Variants in CWH43 observed in about 807,000 individuals in gnomAD.
CWH43 encodes the protein cell wall biogenesis 43 C-terminal homolog.
A neutral mutation model predicts 85.7 loss-of-function variants in CWH43; 91 were observed. The ratio of observed to expected loss-of-function variants is 1.06; its 90% CI spans 0.90 to 1.26. The LOEUF is 1.26. Among genes scored for constraint, CWH43 ranks in the 50% most tolerant of loss-of-function variants. The pLI is 0.00. For synonymous variants in CWH43, 323 were observed against 293.6 expected, an observed-to-expected ratio of 1.10 and a Z score of -1.02; for missense variants, 869 against 839.2, an observed-to-expected ratio of 1.04 and a Z score of -0.44.
Position 49,007,312 on chromosome 4 carries a change from A to G in CWH43, c.1172A>G (p.Lys391Arg). ...AAAGTGCTTTTCAGAAAGAGTGAAA[A>G]ATACATGAAACTTTGTAAGTATAGT... ...SSKVLFRKSEKYMKLFLWLLV... is the reference protein window; with the variant it reads ...SSKVLFRKSERYMKLFLWLLV... Residue 391 changes from lysine to arginine, a missense_variant, in exon 8 of 16, where the codon AAA (lysine) becomes AGA (arginine). Lys to Arg is a conservative substitution (Grantham distance 26). This residue lies in a region of CWH43 where 577 missense variants were observed against 513.1 expected (regional missense o/e 1.12). Coordinates refer to ENST00000226432, the MANE Select transcript of CWH43 (RefSeq NM_025087.3). The G allele has an allele frequency of 1.3e-6, 2 of 1,597,434 alleles. No homozygotes were observed. Among genetic ancestry groups the G allele is most frequent in the South Asian group, 2.3e-5 (2 of 85,770 alleles).
At chr4:48,986,545 G>T (rs1176435305) in intron 1 of CWH43, 73 bp downstream of exon 1, 7 of 1,543,760 alleles carry the variant, frequency 4.5e-6, no homozygotes, top group Non-Finnish European at 6.1e-6. Context: ...GTGGAGCCAG[G>T]CCAGGTTGGC....
chr4:48,987,880 A>T (rs1782542654), intron 1 of CWH43, among the ~76,000 whole-genome samples: 1 of 151,988 alleles, frequency 6.6e-6, no homozygotes, highest in Admixed American at 6.6e-5. Context: ...TGGAGGAGGG[A>T]GTCCTGCTGC....
At chr4:49,042,519 A>T (rs933623293) in intron 13 of CWH43, among the ~76,000 whole-genome samples, 2 of 152,234 alleles carry the variant, frequency 1.3e-5, no homozygotes, top group Non-Finnish European at 2.9e-5. Context: ...AGGCAGGTGC[A>T]TATACAGATC....
chr4:48,993,372 C>T (rs559264643), intron 4 of CWH43, among the ~76,000 whole-genome samples: 22 of 152,278 alleles, frequency 1.4e-4, no homozygotes, highest in African/African-American at 4.8e-4. Flanking sequence ...CTGTCACCAC[C>T]GCCTTCTCCC....
At chr4:49,046,559 G>A (rs1784629715) in intron 14 of CWH43, among the ~76,000 whole-genome samples, 1 of 152,086 alleles carries the variant, frequency 6.6e-6, no homozygotes, top group South Asian at 2.1e-4. Context: ...CAGGGTGTGT[G>A]GGGGTGGCTG....
At chr4:49,010,115 T>G (rs4273436) in intron 8 of CWH43, among the ~76,000 whole-genome samples, 88,930 of 151,950 alleles carry the variant, frequency 0.59, 29,286 homozygotes, top group Admixed American at 0.75. Flanking sequence ...CTGGACTTTT[T>G]TTGGTTGGTA....
chr4:49,011,960 C>T (rs1381056251), intron 8 of CWH43, among the ~76,000 whole-genome samples: 3 of 152,058 alleles, frequency 2.0e-5, no homozygotes, highest in Non-Finnish European at 2.9e-5. Context: ...CTTGGGGTTG[C>T]TCTTCTTGAG....
chr4:49,031,624 T>C (rs1577690554), intron 11 of CWH43, among the ~76,000 whole-genome samples: 1 of 152,024 alleles, frequency 6.6e-6, no homozygotes. Context: ...TTAAACAGGA[T>C]AGTGATCTGG....
intron 5 of CWH43, among the ~76,000 whole-genome samples, chr4:48,998,024 G>A (rs1219816760): frequency 6.6e-6 from 1 of 152,126 alleles, no homozygotes; most frequent in Non-Finnish European, 1.5e-5. Context: ...ACAGCTATCA[G>A]TTATTTATCA....
At chr4:49,048,280 A>ATATATATATACACACTCTGTGTGTG (rs1422187612) in intron 14 of CWH43, among the ~76,000 whole-genome samples, 1 of 151,432 alleles carries the variant, frequency 6.6e-6, no homozygotes, top group Non-Finnish European at 1.5e-5. Context: ...GGCAGAGTTT[A>ATATATATATACACACTCTGTGTGTG]TATATATATA....
chr4:49,017,157 C>A, intron 8 of CWH43, 92 bp from the exon 9 acceptor site: 2 of 1,039,026 alleles, frequency 1.9e-6, no homozygotes, highest in Non-Finnish European at 2.9e-6. Context: ...GGTGCCATGG[C>A]ACTGGAGCTG....
At chr4:49,053,566 G>T (rs1043011579) in intron 15 of CWH43, among the ~76,000 whole-genome samples, 1 of 152,028 alleles carries the variant, frequency 6.6e-6, no homozygotes, top group Non-Finnish European at 1.5e-5. Flanking sequence ...TCACATACTA[G>T]CTGGCCACTT....
chr4:49,048,071 A>G (rs1016976480), intron 14 of CWH43, among the ~76,000 whole-genome samples: 4 of 152,320 alleles, frequency 2.6e-5, no homozygotes, highest in Non-Finnish European at 5.9e-5. Context: ...TTCTGTTTAA[A>G]TATTTGTTAA....
chr4:49,045,317 A>C (rs1036172516), intron 14 of CWH43, among the ~76,000 whole-genome samples: 12 of 152,224 alleles, frequency 7.9e-5, no homozygotes, highest in African/African-American at 2.9e-4. Context: ...TATTTAAAAA[A>C]TATCATTCCA....
intron 15 of CWH43, among the ~76,000 whole-genome samples, chr4:49,051,622 G>A (rs1784800884): frequency 6.6e-6 from 1 of 152,134 alleles, no homozygotes; most frequent in Admixed American, 6.6e-5. Context: ...TGTCACCCAG[G>A]CTGGAGTGCA....
chr4:48,988,396 G>A, intron 1 of CWH43, 81 bp from the exon 2 acceptor site: 3 of 1,102,546 alleles, frequency 2.7e-6, no homozygotes, highest in Non-Finnish European at 3.9e-6. Context: ...AGCCCAAGCG[G>A]CTGGAGTGGA....
At chr4:49,024,589 A>G (rs1031251796) in intron 9 of CWH43, among the ~76,000 whole-genome samples, 1 of 152,164 alleles carries the variant, frequency 6.6e-6, no homozygotes, top group African/African-American at 2.4e-5. Flanking sequence ...TAATGACTGT[A>G]TCTTTCCTTC....
intron 13 of CWH43, among the ~76,000 whole-genome samples, chr4:49,039,123 A>G (rs1350726643): frequency 6.9e-6 from 1 of 145,872 alleles, no homozygotes; most frequent in Non-Finnish European, 1.5e-5. Flanking sequence ...AATTAAAAAA[A>G]GAATTGAGAG....
intron 6 of CWH43, among the ~76,000 whole-genome samples, chr4:48,999,467 A>G (rs1262444722): frequency 6.6e-6 from 1 of 152,192 alleles, no homozygotes; most frequent in Admixed American, 6.5e-5. Context: ...GTCAAATGGT[A>G]ATTCTGTTTT....
Sources: gnomAD v4.1 joint callset for allele counts (sites outside exome capture counted in the v4.1 genomes callset) on GRCh38, gnomAD v4.1.1 for gene constraint, gnomAD v4.1.1 regional missense constraint, MANE v1.5 for transcripts, NCBI Gene and HGNC (gene_info 2026-07-23, HGNC 2026-07-21) for gene names.